The following COL4A2 variants were observed in gnomAD, a reference collection of about 807,000 sequenced individuals.
COL4A2 encodes collagen type IV alpha 2 chain.
Under a neutral mutation model 200.2 loss-of-function variants are expected in COL4A2, and 99 were observed. The observed-to-expected ratio is 0.49, with a 90% confidence interval of 0.42 to 0.58. The LOEUF is 0.58. Ranked by LOEUF, COL4A2 falls within the 20% of genes least tolerant of loss-of-function variation. The probability of loss-of-function intolerance (pLI) is 0.00; values close to 1 mark genes in which losing one functional copy is unlikely to be tolerated. For synonymous variants in COL4A2, 897 were observed against 900.6 expected (o/e 1.00, Z 0.07); for missense variants, 1,950 against 2,314.1 (o/e 0.84, Z 3.23).
At chr13:110,436,088 A>C (rs750702283) in intron 12 of COL4A2, 181 bp from the exon 13 acceptor site, 1 of 860,012 alleles carries the variant, frequency 1.2e-6, no homozygotes, top group South Asian at 1.4e-5. Flanking sequence ...TGAAAGGAGG[A>C]TATAAAAAAC....
chr13:110,505,158 G>C (rs1055694927), intron 45 of COL4A2, among the ~76,000 whole-genome samples: 6 of 151,532 alleles, frequency 4.0e-5, no homozygotes, highest in Admixed American at 3.3e-4. Flanking sequence ...AGACCATCCT[G>C]GCTAACACGG....
At chr13:110,327,563 G>C (rs1222699842) in intron 3 of COL4A2, among the ~76,000 whole-genome samples, 1 of 152,212 alleles carries the variant, frequency 6.6e-6, no homozygotes, top group African/African-American at 2.4e-5. Flanking sequence ...AGTCCCAGAT[G>C]GTTTTTAAGT....
chr13:110,424,968 T>G lies in COL4A2; in HGVS notation c.331T>G (p.Ser111Ala), dbSNP rs769112358. Reference sequence around the variant, plus strand: ...TTCTTCATAGGGAGCAAGAGGCGTTTCTGGATTCCCTGGTGCCGATGGAAT... The same window carrying G: ...TTCTTCATAGGGAGCAAGAGGCGTTGCTGGATTCCCTGGTGCCGATGGAAT... Reference protein sequence around the residue: ...PKGDVGARGVSGFPGADGIPG... With the variant: ...PKGDVGARGVAGFPGADGIPG... The change falls in exon 6 of 48, where the codon TCT becomes GCT. Residue 111 changes from serine to alanine, a missense_variant. By Grantham distance (99) the Ser-to-Ala change is moderately conservative (BLOSUM62 1). Coordinates refer to ENST00000360467, the MANE Select transcript of COL4A2 (RefSeq NM_001846.4). 17 of 1,614,258 alleles carry G rather than the reference T, an allele frequency of 1.1e-5. No individual in the cohort carries two copies. In the Admixed American group the frequency reaches 2.8e-4, roughly 27 times the overall value.
chr13:110,495,251 T>G, intron 39 of COL4A2, 91 bp from the exon 40 acceptor site: 1 of 1,503,374 alleles, frequency 6.7e-7, no homozygotes, highest in Admixed American at 1.7e-5. Flanking sequence ...TTTCTTTGCT[T>G]TTGAGGCACC....
At chr13:110,319,389 G>GAGAT (rs1159579205) in intron 3 of COL4A2, among the ~76,000 whole-genome samples, 1 of 152,226 alleles carries the variant, frequency 6.6e-6, no homozygotes. Flanking sequence ...AAATAACCAT[G>GAGAT]AGATGCAAGT....
intron 4 of COL4A2, among the ~76,000 whole-genome samples, chr13:110,419,704 C>T (rs1168688220): frequency 3.3e-5 from 5 of 152,134 alleles, no homozygotes; most frequent in South Asian, 4.1e-4. Context: ...AAAACCAGCC[C>T]GGATGGCCCA....
At chr13:110,485,920 G>C (rs561360330) in intron 34 of COL4A2, 84 bp downstream of exon 34, 43 of 1,565,352 alleles carry the variant, frequency 2.7e-5, no homozygotes, top group Middle Eastern at 4.1e-4. Context: ...TCTGGAATTT[G>C]CTAGGGTGAG....
At chr13:110,494,435 G>A (rs1883385894) in intron 39 of COL4A2, among the ~76,000 whole-genome samples, 1 of 151,964 alleles carries the variant, frequency 6.6e-6, no homozygotes, top group Non-Finnish European at 1.5e-5. Context: ...TCTATTATAG[G>A]ACTAATAAAA....
At position 110,503,430 on chromosome 13, in the gene COL4A2, G is replaced by A; in HGVS notation, c.4087G>A (p.Ala1363Thr). The A allele has an allele frequency of 6.3e-7, 1 of 1,590,738 alleles. No homozygotes were observed. The highest frequency in any genetic ancestry group is 1.1e-5 in the South Asian group (1 of 87,964). ...GFMGNTGPTGAVGDRGPKGPK... is the reference protein window; with the variant it reads ...GFMGNTGPTGTVGDRGPKGPK... ...CATGGGGAACACTGGACCCACTGGGGCGGTGGGCGACAGAGGCCCCAAGGG... is the reference window on the plus strand; with the variant it reads ...CATGGGGAACACTGGACCCACTGGGACGGTGGGCGACAGAGGCCCCAAGGG... Residue 1363 changes from alanine to threonine, a missense_variant, in exon 43 of 48, where the codon GCG becomes ACG. Around this residue, in one of 2 missense-constraint regions of COL4A2, gnomAD observed 1,385 missense variants for 1,720.5 expected, o/e 0.80. Transcript: ENST00000360467.
At chr13:110,449,373 G>C (rs1178371371) in intron 18 of COL4A2, among the ~76,000 whole-genome samples, 1 of 152,178 alleles carries the variant, frequency 6.6e-6, no homozygotes, top group Admixed American at 6.5e-5. Context: ...AGAGTGGGGT[G>C]CAGGGAAGTG....
chr13:110,387,962 T>C (rs973354872), intron 4 of COL4A2, among the ~76,000 whole-genome samples: 2 of 152,202 alleles, frequency 1.3e-5, no homozygotes, highest in African/African-American at 2.4e-5. Context: ...CCTGCTCTTC[T>C]TACCTGCAGT....
intron 4 of COL4A2, among the ~76,000 whole-genome samples, chr13:110,364,482 AT>A (rs1257041250): frequency 6.6e-6 from 1 of 152,148 alleles, no homozygotes; most frequent in Non-Finnish European, 1.5e-5. Context: ...GAAATTCGTA[AT>A]TGCTTCTCTC....
At chr13:110,452,120 TTTTGTTTGTTTG>T (rs10686508) in intron 20 of COL4A2, among the ~76,000 whole-genome samples, 20 of 151,396 alleles carry the variant, frequency 1.3e-4, no homozygotes, top group African/African-American at 4.1e-4. Context: ...AAAGTCTCTG[TTTTGTTTGTTTG>T]TTTGTTTGTT....
intron 40 of COL4A2, among the ~76,000 whole-genome samples, 180 bp from the exon 41 acceptor site, chr13:110,501,488 C>G (rs1883638339): frequency 6.6e-6 from 1 of 151,328 alleles, no homozygotes; most frequent in Non-Finnish European, 1.5e-5. Context: ...GCCCCCCCAA[C>G]CCCGCCCTGA....
intron 4 of COL4A2, among the ~76,000 whole-genome samples, chr13:110,386,327 C>T (rs927343949): frequency 3.9e-5 from 6 of 152,172 alleles, no homozygotes; most frequent in Non-Finnish European, 5.9e-5. Flanking sequence ...GCTCAAGTTA[C>T]AGAACAAAAC....
At chr13:110,398,804 G>A (rs1467689011) in intron 4 of COL4A2, among the ~76,000 whole-genome samples, 3 of 152,154 alleles carry the variant, frequency 2.0e-5, no homozygotes, top group Non-Finnish European at 4.4e-5. Context: ...CCCAGAGGCA[G>A]GGTGGAGTTG....
chr13:110,465,267 G>C (rs1317194465), intron 24 of COL4A2, 138 bp from the exon 25 acceptor site: 12 of 1,148,228 alleles, frequency 1.0e-5, no homozygotes, highest in Non-Finnish European at 1.5e-5. Flanking sequence ...CATGGCACTA[G>C]GTTCCTGTTC....
In COL4A2 at chr13:110,307,831, G is replaced by C; in HGVS notation, c.-44-29G>C. 1 of 1,536,014 alleles carries C rather than the reference G, an allele frequency of 6.5e-7. No homozygotes were observed. Among genetic ancestry groups the C allele is most frequent in the East Asian group, 2.3e-5 (1 of 43,652 alleles). ...GGATGGGCTGCCTCCCTCATCCTGC[G>C]CTAAACTCGCTTTGTCTGTCGCCTC... On this transcript the variant is annotated intron_variant, in intron 1 of 47. Transcript: ENST00000360467. This position sits in a 1 kb window ranked among gnomAD's most constrained non-coding sequence, Gnocchi z 5.0.
Position 110,495,473 on chromosome 13 carries a change from G to A in COL4A2, c.3760+6G>A, listed in dbSNP as rs1883427051. On this transcript the variant is annotated splice_donor_region_variant and intron_variant, in intron 40 of 47. Coordinates refer to ENST00000360467, the MANE Select transcript of COL4A2 (RefSeq NM_001846.4). ...AGGAGACCAAGGAGCTCCAGGTGAG[G>A]CCACACATTCCAAGCCAACATTGCC... 1 of 1,610,518 alleles carries A rather than the reference G, an allele frequency of 6.2e-7. No individual in the cohort carries two copies. The highest frequency in any genetic ancestry group is 1.7e-5 in the Admixed American group (1 of 59,236).
Sources: gnomAD v4.1 joint callset for allele counts (sites outside exome capture counted in the v4.1 genomes callset) on GRCh38, gnomAD v4.1.1 for gene constraint, gnomAD v4.1.1 regional missense constraint, Gnocchi (gnomAD v3.1) non-coding constraint, MANE v1.5 for transcripts, NCBI Gene and HGNC (gene_info 2026-07-23, HGNC 2026-07-21) for gene names.